The following TAOK3 variants were observed in gnomAD, a reference collection of about 807,000 sequenced individuals.
TAOK3 encodes TAO kinase 3.
A neutral mutation model predicts 120.4 loss-of-function variants in TAOK3; 40 were observed. The observed-to-expected ratio is 0.33, with a 90% CI of 0.26 to 0.43. The LOEUF is 0.43. Among genes scored for constraint, TAOK3 ranks in the 20% least tolerant of loss-of-function variants. The pLI is 1.00. For synonymous variants in TAOK3, 355 were observed against 387.5 expected (o/e 0.92, Z 0.99); for missense variants, 821 against 1,112.1 (o/e 0.74, Z 3.72).
chr12:118,343,238 G>A (rs1209616738), intron 1 of TAOK3, among the ~76,000 whole-genome samples: 2 of 151,892 alleles, frequency 1.3e-5, no homozygotes, highest in African/African-American at 2.4e-5. Context: ...GACCAGCCTG[G>A]CCAACATGGT....
chr12:118,279,444 T>A (rs1254065628), intron 1 of TAOK3, among the ~76,000 whole-genome samples: 2 of 152,112 alleles, frequency 1.3e-5, no homozygotes, highest in Non-Finnish European at 2.9e-5. Context: ...TTTTTATTTT[T>A]TTTTTGCAAT....
At chr12:118,225,779 G>A (rs1025816835) in intron 9 of TAOK3, among the ~76,000 whole-genome samples, 14 of 152,152 alleles carry the variant, frequency 9.2e-5, no homozygotes, top group Non-Finnish European at 2.1e-4. Flanking sequence ...TATATTTAAG[G>A]TGTACAATGT....
chr12:118,173,694 A>T (rs1310001073), intron 16 of TAOK3, among the ~76,000 whole-genome samples: 1 of 152,260 alleles, frequency 6.6e-6, no homozygotes, highest in Non-Finnish European at 1.5e-5. Context: ...TTTCCAGAAC[A>T]TCTGAGCAAA....
At chr12:118,227,293 A>G (rs1055138210) in intron 9 of TAOK3, among the ~76,000 whole-genome samples, 10 of 147,716 alleles carry the variant, frequency 6.8e-5, no homozygotes, top group African/African-American at 2.4e-4. Context: ...ATATAAATTT[A>G]TATATAAAAT....
intron 1 of TAOK3, among the ~76,000 whole-genome samples, chr12:118,366,582 T>C (rs2141321783): frequency 6.6e-6 from 1 of 152,282 alleles, no homozygotes; most frequent in Non-Finnish European, 1.5e-5. Flanking sequence ...GTAAAATTGA[T>C]CCCTTCAATA....
At position 118,230,460 on chromosome 12, in the gene TAOK3, G is replaced by GTTTTTT. The variant is rs71069433; in HGVS notation, c.643+3208_643+3213dup. Among the ~76,000 whole-genome samples, 10 of 50,036 alleles carry GTTTTTT rather than the reference G, an allele frequency of 2.0e-4. 1 individual carries two copies. The highest frequency in any genetic ancestry group is 2.5e-4 in the Non-Finnish European group (7 of 27,600). 32.8% of individuals were successfully genotyped at this position (50,036 alleles called of 152,430 possible). On this transcript the variant is annotated intron_variant, in intron 9 of 20. Coordinates refer to ENST00000392533, the MANE Select transcript of TAOK3 (RefSeq NM_016281.4). ...GACTTCTGGGATTACCCTGTGAAGT[G>GTTTTTT]TTTTTTTTTTTTTTTTTTTTTTTTT...
intron 1 of TAOK3, among the ~76,000 whole-genome samples, chr12:118,304,472 G>C (rs16948244): frequency 6.6e-6 from 1 of 151,966 alleles, no homozygotes; most frequent in Non-Finnish European, 1.5e-5. Flanking sequence ...AGACTTCTTC[G>C]TATGATAACT....
At position 118,309,562 on chromosome 12, in the gene TAOK3, C is replaced by T. The variant is rs1024627425; in HGVS notation, c.-193-42803G>A. ...TGAAGTCTTGCTCTTATCCCCCAGG[C>T]TGGAGTGCAATGGCACGATCTTGGC... On this transcript the variant is annotated intron_variant, in intron 1 of 20. Coordinates refer to ENST00000392533, the MANE Select transcript of TAOK3 (RefSeq NM_016281.4). Among the ~76,000 whole-genome samples the T allele has an allele frequency of 3.3e-5, 5 of 151,820 alleles. No individual in the cohort carries two copies. In the East Asian group the frequency reaches 9.8e-4, roughly 30 times the overall value.
At chr12:118,321,839 T>C (rs1434741945) in intron 1 of TAOK3, among the ~76,000 whole-genome samples, 1 of 152,174 alleles carries the variant, frequency 6.6e-6, no homozygotes, top group African/African-American at 2.4e-5. Flanking sequence ...GCAAGTTTTT[T>C]TTTTGAGACG....
intron 1 of TAOK3, among the ~76,000 whole-genome samples, chr12:118,348,300 T>C (rs760430714): frequency 2.6e-5 from 4 of 152,262 alleles, no homozygotes; most frequent in Non-Finnish European, 5.9e-5. Flanking sequence ...ATTAATTGAA[T>C]ATGACTTGCA....
At chr12:118,254,819 A>G (rs1398405004) in intron 3 of TAOK3, among the ~76,000 whole-genome samples, 1 of 152,024 alleles carries the variant, frequency 6.6e-6, no homozygotes, top group Non-Finnish European at 1.5e-5. Context: ...GTGCAGTGGC[A>G]CAATCTTGGC....
At chr12:118,291,237 C>T (rs1054619168) in intron 1 of TAOK3, among the ~76,000 whole-genome samples, 1 of 149,772 alleles carries the variant, frequency 6.7e-6, no homozygotes, top group African/African-American at 2.5e-5. Context: ...GCTTACTGTA[C>T]CCTCTGCCTC....
intron 1 of TAOK3, among the ~76,000 whole-genome samples, chr12:118,313,902 C>T (rs1381205292): frequency 6.6e-6 from 1 of 152,144 alleles, no homozygotes; most frequent in East Asian, 1.9e-4. Flanking sequence ...TGCTCTTTTG[C>T]ACAGTATAGT....
chr12:118,179,145 C>T (rs2138825242), intron 15 of TAOK3, among the ~76,000 whole-genome samples: 1 of 152,296 alleles, frequency 6.6e-6, no homozygotes, highest in East Asian at 1.9e-4. Context: ...AGATTGATGG[C>T]TGTTGGGGGA....
At chr12:118,215,998 G>A (rs1465540025) in intron 9 of TAOK3, among the ~76,000 whole-genome samples, 1 of 151,936 alleles carries the variant, frequency 6.6e-6, no homozygotes, top group Non-Finnish European at 1.5e-5. Context: ...CCAGGAGTTC[G>A]AGACCAGCCT....
chr12:118,323,452 T>C (rs1217424160), intron 1 of TAOK3, among the ~76,000 whole-genome samples: 1 of 152,110 alleles, frequency 6.6e-6, no homozygotes, highest in Non-Finnish European at 1.5e-5. Flanking sequence ...ATAAAACCAT[T>C]AAGCCACTAA....
chr12:118,342,957 AAGAG>A lies in TAOK3; in HGVS notation c.-194+29687_-194+29690del, dbSNP rs1294248778. 1.7e-3 allele frequency among the ~76,000 whole-genome samples: 207 copies of A among 120,430 alleles called. 1 individual carries two copies. The highest frequency in any genetic ancestry group is 4.8e-3 in the South Asian group (18 of 3,740). The allele number at this position is 120,430 out of a possible 152,430, so 79.0% of individuals were successfully genotyped here. ...TGCTAAAAAAAAAAAAAAAAAAAAA[AAGAG>A]AGAGAGAGAGAGAGAGAAATGAAGA... is the stretch of plus-strand genomic sequence containing the variant. On this transcript the variant is annotated intron_variant, in intron 1 of 20. Transcript: ENST00000392533.
intron 1 of TAOK3, among the ~76,000 whole-genome samples, chr12:118,366,854 C>A (rs533390501): frequency 6.6e-6 from 1 of 152,290 alleles, no homozygotes; most frequent in African/African-American, 2.4e-5. Flanking sequence ...CTCTGGGAGG[C>A]TGAGGTGGGC....
Position 118,150,674 on chromosome 12 carries a change from G to T in TAOK3, c.*323C>A, listed in dbSNP as rs1455782142. 4.3e-4 allele frequency: 90 copies of T among 211,032 alleles called. No homozygotes were observed. Among genetic ancestry groups the T allele is most frequent in the Non-Finnish European group, 1.0e-4 (11 of 105,654 alleles). 13.1% of individuals were successfully genotyped at this position (211,032 alleles called of 1,614,324 possible). Reference sequence around the variant, plus strand: ...AAAGCAATATACATCCACTTTTTTTGTTGTTGGTTTATTGGTTTTGTTAAA... The same window carrying T: ...AAAGCAATATACATCCACTTTTTTTTTTGTTGGTTTATTGGTTTTGTTAAA... On this transcript the variant is annotated 3_prime_UTR_variant, in exon 21 of 21. Transcript: ENST00000392533.
Sources: allele counts gnomAD v4.1 joint callset (sites outside exome capture counted in the v4.1 genomes callset), GRCh38; gene constraint gnomAD v4.1.1; transcripts MANE v1.5; gene names NCBI Gene and HGNC (gene_info 2026-07-23, HGNC 2026-07-21).